The following UTP6 variants were observed in gnomAD, a reference collection of about 807,000 sequenced individuals.
The protein encoded by UTP6 is UTP6 small subunit processome component, also known as U3 small nucleolar RNA-associated protein 6 homolog.
In UTP6, 60 loss-of-function variants were observed where a neutral mutation model predicts 96.5. The ratio of observed to expected loss-of-function variants is 0.62; its 90% confidence interval spans 0.51 to 0.77. The LOEUF (loss-of-function observed/expected upper bound fraction) is 0.77, where lower values mean the gene tolerates loss of function less well. Ranked by LOEUF, UTP6 falls within the 30% of genes least tolerant of loss-of-function variation. The pLI, the probability that UTP6 is intolerant of heterozygous loss-of-function variation, is 0.00. For missense variants in UTP6, 637 were observed against 706.5 expected (o/e 0.90, Z 1.12); for synonymous variants, 215 against 240.1 (o/e 0.90, Z 0.96).
chr17:31,871,876 A>G (rs1567778800), intron 16 of UTP6, among the ~76,000 whole-genome samples: 1 of 151,848 alleles, frequency 6.6e-6, no homozygotes, highest in East Asian at 1.9e-4. Flanking sequence ...TGGGCAACAG[A>G]GCAAGACTCT....
intron 11 of UTP6, chr17:31,880,280 G>A (rs1910742964): frequency 5.6e-6 from 2 of 354,778 alleles, no homozygotes; most frequent in Admixed American, 7.7e-5. Context: ...AATTAGCTGG[G>A]CATGGTGGCG....
intron 7 of UTP6, chr17:31,887,866 C>G (rs1394551554): frequency 7.0e-6 from 1 of 143,798 alleles, no homozygotes. Context: ...GGGGCTGAGG[C>G]AGGAGAATCG....
chr17:31,888,907 T>TA (rs1362653750), intron 7 of UTP6, among the ~76,000 whole-genome samples: 5 of 150,952 alleles, frequency 3.3e-5, no homozygotes, highest in African/African-American at 9.8e-5. Context: ...CCATCCCTAA[T>TA]AAAAAATACA....
intron 10 of UTP6, among the ~76,000 whole-genome samples, chr17:31,884,002 A>AT (rs11444704): frequency 0.85 from 119,301 of 140,382 alleles, 50,737 homozygotes; most frequent in African/African-American, 0.91. Flanking sequence ...TATGATATTA[A>AT]TTTTTTTTTT....
chr17:31,884,702 T>C (rs1033677842), intron 9 of UTP6, among the ~76,000 whole-genome samples, 197 bp from the exon 10 acceptor site: 1 of 147,960 alleles, frequency 6.8e-6, no homozygotes, highest in African/African-American at 2.5e-5. Context: ...TGTTAATCTT[T>C]GGAGTATTCA....
chr17:31,865,483 A>G (rs763643524), intron 17 of UTP6, 45 bp from the exon 18 acceptor site: 5 of 1,575,062 alleles, frequency 3.2e-6, no homozygotes, highest in Non-Finnish European at 4.4e-6. Context: ...GATTTATAAC[A>G]TAACAAATTC....
Position 31,889,485 on chromosome 17 carries a change from T to C in UTP6, c.425-82A>G, listed in dbSNP as rs1444076682. The C allele has an allele frequency of 9.6e-6, 10 of 1,043,688 alleles. No homozygotes were observed. In the Admixed American group the frequency reaches 1.2e-4, roughly 12 times the overall value. The allele number at this position is 1,043,688 out of a possible 1,614,324, so 64.7% of individuals were successfully genotyped here. On this transcript the variant is annotated intron_variant, in intron 6 of 18. Coordinates refer to ENST00000261708, the MANE Select transcript of UTP6 (RefSeq NM_018428.3). ...AAAGAACCAAATGATCCAATTTTAA[T>C]ACTCGCACAATTTTTTTTTTTTTTT...
intron 2 of UTP6, 85 bp downstream of exon 2, chr17:31,899,561 C>G: frequency 1.9e-6 from 2 of 1,061,458 alleles, no homozygotes; most frequent in South Asian, 3.4e-5. Flanking sequence ...CACCACTGCA[C>G]TCCAACCTGG....
intron 6 of UTP6, among the ~76,000 whole-genome samples, chr17:31,891,174 G>C (rs952524593): frequency 1.3e-5 from 2 of 152,138 alleles, no homozygotes; most frequent in Admixed American, 6.6e-5. Flanking sequence ...ACCTGGAATA[G>C]AAGGGTCAGC....
At chr17:31,899,889 G>A (rs1035842876) in intron 1 of UTP6, among the ~76,000 whole-genome samples, 159 bp from the exon 2 acceptor site, 1 of 151,926 alleles carries the variant, frequency 6.6e-6, no homozygotes, top group Non-Finnish European at 1.5e-5. Context: ...CTCATGCCTG[G>A]AATCCCAGCA....
intron 2 of UTP6, among the ~76,000 whole-genome samples, chr17:31,897,425 A>G (rs1173739916): frequency 2.7e-5 from 4 of 150,144 alleles, no homozygotes; most frequent in Non-Finnish European, 5.9e-5. Flanking sequence ...TTTTAAATCT[A>G]AGCTCAAAAC....
At chr17:31,885,232 C>T (rs1020217192) in intron 9 of UTP6, among the ~76,000 whole-genome samples, 1 of 151,962 alleles carries the variant, frequency 6.6e-6, no homozygotes, top group Non-Finnish European at 1.5e-5. Context: ...GCAACCTCCA[C>T]CTCCCGGGTT....
chr17:31,865,178 G>C (rs1365599734), intron 18 of UTP6, among the ~76,000 whole-genome samples, 188 bp downstream of exon 18: 1 of 152,136 alleles, frequency 6.6e-6, no homozygotes, highest in Non-Finnish European at 1.5e-5. Context: ...ACCATGTCCA[G>C]CTAATTTTTA....
chr17:31,880,528 G>T, intron 11 of UTP6, 45 bp downstream of exon 11: 1 of 1,611,766 alleles, frequency 6.2e-7, no homozygotes, highest in African/African-American at 1.3e-5. Flanking sequence ...TCACAATCAG[G>T]GATACTATTC....
chr17:31,882,046 T>C (rs1910874434), intron 10 of UTP6, among the ~76,000 whole-genome samples: 1 of 152,096 alleles, frequency 6.6e-6, no homozygotes, highest in African/African-American at 2.4e-5. Context: ...TGTGTGTGTT[T>C]TAAGACAGAG....
At chr17:31,872,799 G>A (rs372896487) in intron 16 of UTP6, among the ~76,000 whole-genome samples, 5 of 149,388 alleles carry the variant, frequency 3.3e-5, no homozygotes, top group African/African-American at 9.7e-5. Flanking sequence ...TCAGCAGTTC[G>A]AGACCAGCCT....
rs747423519 is a variant in UTP6 at position 31,878,298 on chromosome 17, C to G, written c.1077G>C (p.Arg359Ser). ...KRLERTMTVF[R>S]KAHELKLLSE... Reference sequence around the variant, plus strand: ...ACAGAAGCTTCAGTTCATGTGCCTTCCTGAATACAGTCATGGTTCTTTCCA... The same window carrying G: ...ACAGAAGCTTCAGTTCATGTGCCTTGCTGAATACAGTCATGGTTCTTTCCA... The change falls in exon 13 of 19, where the codon AGG (arginine) becomes AGC (serine). Residue 359 changes from arginine to serine, a missense_variant. Transcript: ENST00000261708. The G allele has an allele frequency of 6.2e-7, 1 of 1,614,168 alleles. No individual in the cohort carries two copies. Among genetic ancestry groups the G allele is most frequent in the Non-Finnish European group, 8.5e-7 (1 of 1,180,022 alleles).
At chr17:31,869,870 T>C (rs948457649) in intron 16 of UTP6, among the ~76,000 whole-genome samples, 1 of 152,168 alleles carries the variant, frequency 6.6e-6, no homozygotes, top group Non-Finnish European at 1.5e-5. Context: ...TATTTCTGTC[T>C]TTATATCCAC....
At chr17:31,901,299 C>A (rs1904965907) in intron 1 of UTP6, 6 of 528,610 alleles carry the variant, frequency 1.1e-5, no homozygotes, top group Non-Finnish European at 2.1e-5. Context: ...ACCTTTACAG[C>A]CCTAAGACCC....
Sources: gnomAD v4.1 joint callset for allele counts (sites outside exome capture counted in the v4.1 genomes callset) on GRCh38, gnomAD v4.1.1 for gene constraint, MANE v1.5 for transcripts, NCBI Gene and HGNC (gene_info 2026-07-23, HGNC 2026-07-21) for gene names.